Variants in PTPRS observed in about 807,000 individuals in gnomAD.
PTPRS encodes receptor-type tyrosine-protein phosphatase S.
A neutral mutation model predicts 215.3 loss-of-function variants in PTPRS; 63 were observed. The ratio of observed to expected loss-of-function variants is 0.29; its 90% CI spans 0.24 to 0.36. The LOEUF (loss-of-function observed/expected upper bound fraction) is 0.36. Ranked by LOEUF, PTPRS falls within the 10% of genes least tolerant of loss-of-function variation. The pLI is 1.00. For missense variants in PTPRS, 2,258 were observed against 2,825.8 expected (o/e 0.80, Z 4.56); for synonymous variants, 1,404 against 1,191.4 (o/e 1.18, Z -3.68).
At chr19:5,274,745 C>G (rs534864674) in intron 2 of PTPRS, among the ~76,000 whole-genome samples, 7 of 152,330 alleles carry the variant, frequency 4.6e-5, no homozygotes, top group East Asian at 3.9e-4. Context: ...CTGAACCCCC[C>G]CTCCATGGTG....
At chr19:5,299,748 T>C (rs56928080) in intron 1 of PTPRS, among the ~76,000 whole-genome samples, 6,585 of 152,148 alleles carry the variant, frequency 0.043, 499 homozygotes, top group African/African-American at 0.15. Flanking sequence ...GGTGCGCACC[T>C]GTAATCCCAG....
chr19:5,335,187 G>A (rs913664158), intron 1 of PTPRS, among the ~76,000 whole-genome samples: 16 of 152,296 alleles, frequency 1.1e-4, no homozygotes, highest in Non-Finnish European at 1.0e-4. Context: ...TTCTCCGCCC[G>A]CCGGATACCC....
At chr19:5,280,938 CCCA>C (rs942900322) in intron 2 of PTPRS, among the ~76,000 whole-genome samples, 6 of 151,788 alleles carry the variant, frequency 4.0e-5, no homozygotes, top group African/African-American at 1.2e-4. Context: ...ATTACAGGAA[CCCA>C]CCACAACACC....
intron 5 of PTPRS, among the ~76,000 whole-genome samples, chr19:5,264,603 G>A (rs753751286): frequency 1.8e-4 from 28 of 152,098 alleles, no homozygotes; most frequent in East Asian, 3.9e-4. Flanking sequence ...AAGCCACTGC[G>A]CCCAGCCCCC....
chr19:5,256,081 A>C (rs773528027), intron 9 of PTPRS, 27 bp downstream of exon 9: 15 of 1,507,646 alleles, frequency 9.9e-6, no homozygotes, highest in Non-Finnish European at 1.4e-5. Context: ...TGGGTAAAGA[A>C]AGTAAAAAAG....
Position 5,239,061 on chromosome 19 carries a change from C to T in PTPRS, c.1707G>A (p.Val569=). Residue 569 remains valine, a splice_region_variant and synonymous_variant, in exon 13 of 38, where the codon GTG becomes GTA. Coordinates refer to ENST00000262963, the MANE Select transcript of PTPRS (RefSeq NM_002850.4). The part of the protein sequence containing the change: ...LFREGDHGRE[V]GRTFDPTTSY... ...AAGTCGTCGGGTCGAAGGTCCTTCCCACCTGGGGGCAGGGCAGAGAAGGAC... is the reference window on the plus strand; with the variant it reads ...AAGTCGTCGGGTCGAAGGTCCTTCCTACCTGGGGGCAGGGCAGAGAAGGAC... The T allele has an allele frequency of 6.2e-7, 1 of 1,612,050 alleles. No homozygotes were observed. The highest frequency in any genetic ancestry group is 2.2e-5 in the East Asian group (1 of 44,698).
At chr19:5,228,695 G>C (rs1297602138) in intron 16 of PTPRS, among the ~76,000 whole-genome samples, 4 of 152,132 alleles carry the variant, frequency 2.6e-5, no homozygotes, top group African/African-American at 9.7e-5. Context: ...GCAGAGACTG[G>C]TACTCCCGTT....
At chr19:5,297,791 C>CTTTTTTTTT (rs373472522) in intron 1 of PTPRS, among the ~76,000 whole-genome samples, 2 of 131,370 alleles carry the variant, frequency 1.5e-5, no homozygotes, top group Non-Finnish European at 3.3e-5. Context: ...CTTTTCTTTT[C>CTTTTTTTTT]TTTTTTTTTT....
At chr19:5,329,165 A>T (rs1291367688) in intron 1 of PTPRS, among the ~76,000 whole-genome samples, 1 of 152,108 alleles carries the variant, frequency 6.6e-6, no homozygotes, top group South Asian at 2.1e-4. Context: ...CAGAGCAAGG[A>T]CAAAGGCCTG....
In PTPRS at chr19:5,211,782, G is replaced by A. The variant is rs2040913626; in HGVS notation, c.5056-14C>T. On this transcript the variant is annotated splice_polypyrimidine_tract_variant and intron_variant, in intron 32 of 37. Transcript: ENST00000262963. ...GTTAGCCAGCCGCTGTGGGGAGGAG[G>A]AAGCCAGAGGCCACCATCAGGATGA... is the stretch of plus-strand genomic sequence containing the variant. 6.2e-7 allele frequency: 1 copy of A among 1,607,506 alleles called. No individual in the cohort carries two copies. The highest frequency in any genetic ancestry group is 1.3e-5 in the African/African-American group (1 of 74,816).
At chr19:5,288,988 G>C (rs112970040) in intron 1 of PTPRS, among the ~76,000 whole-genome samples, 1 of 152,188 alleles carries the variant, frequency 6.6e-6, no homozygotes, top group Non-Finnish European at 1.5e-5. Context: ...GCCTGTCAGG[G>C]GCAGGGACGA....
Position 5,320,774 on chromosome 19 carries a change from GATTTGAGGGCTTCACC to G in PTPRS, c.-95+19874_-95+19889del, listed in dbSNP as rs1568613334. ...CTGTCCTCATGCTGAGCCCAGCCCT[GATTTGAGGGCTTCACC>G]CTATGAACTCACTAGATCCTCCCAA... On this transcript the variant is annotated intron_variant, in intron 1 of 37. Coordinates refer to ENST00000262963, the MANE Select transcript of PTPRS (RefSeq NM_002850.4). 9.2e-5 allele frequency among the ~76,000 whole-genome samples: 14 copies of G among 152,252 alleles called. No individual in the cohort carries two copies. The South Asian group carries it at 2.9e-3, about 32-fold the overall frequency.
chr19:5,246,072 G>T, intron 9 of PTPRS, 27 bp from the exon 10 acceptor site: 2 of 1,400,898 alleles, frequency 1.4e-6, no homozygotes, highest in South Asian at 3.0e-5. Context: ...AGTGGCGGCG[G>T]GAGGGAGATG....
chr19:5,269,341 C>T (rs2046705993), intron 4 of PTPRS, among the ~76,000 whole-genome samples: 1 of 152,020 alleles, frequency 6.6e-6, no homozygotes, highest in Non-Finnish European at 1.5e-5. Flanking sequence ...AAACGTACAT[C>T]GCGAACCACA....
At chr19:5,309,023 C>A (rs1415125406) in intron 1 of PTPRS, among the ~76,000 whole-genome samples, 2 of 152,152 alleles carry the variant, frequency 1.3e-5, no homozygotes, top group Admixed American at 6.6e-5. Flanking sequence ...GGCCCTACAG[C>A]CTGCCTGGCA....
chr19:5,288,608 A>T (rs1327177555), intron 1 of PTPRS, among the ~76,000 whole-genome samples: 1 of 152,186 alleles, frequency 6.6e-6, no homozygotes, highest in African/African-American at 2.4e-5. Context: ...CTGCTTGGCC[A>T]CACTGAGGGG....
At chr19:5,267,040 C>T (rs568520679) in intron 4 of PTPRS, among the ~76,000 whole-genome samples, 6 of 152,284 alleles carry the variant, frequency 3.9e-5, no homozygotes, top group Middle Eastern at 3.4e-3. Context: ...AGCGCAGAAC[C>T]GGGCATACAG....
At chr19:5,292,099 C>T (rs1338155737) in intron 1 of PTPRS, among the ~76,000 whole-genome samples, 3 of 152,178 alleles carry the variant, frequency 2.0e-5, no homozygotes, top group Admixed American at 2.0e-4. Context: ...TTCTGAGCTA[C>T]CCCATCACAG....
rs1212842588 is a variant in PTPRS, at chr19:5,210,689, T to C, written c.5351A>G (p.Glu1784Gly). ...TIVVMLTKLR[E>G]MGREKCHQYW... ...TGGCCCCTAGCTCACCCGGCCCATC[T>C]CCCGCAGCTTGGTCAGCATCACCAC... is the stretch of plus-strand genomic sequence containing the variant. The change falls in exon 34 of 38, where the codon GAG becomes GGG. Residue 1784 changes from glutamate to glycine, a missense_variant. Transcript: ENST00000262963. The surrounding 1 kb of genome is among the most constrained non-coding windows in gnomAD (Gnocchi z 4.5). 6.2e-7 allele frequency: 1 copy of C among 1,614,012 alleles called. No individual in the cohort carries two copies. Among genetic ancestry groups the C allele is most frequent in the African/African-American group, 1.3e-5 (1 of 74,922 alleles).
Sources: gnomAD v4.1 joint callset for allele counts (sites outside exome capture counted in the v4.1 genomes callset) on GRCh38, gnomAD v4.1.1 for gene constraint, Gnocchi (gnomAD v3.1) non-coding constraint, MANE v1.5 for transcripts, NCBI Gene and HGNC (gene_info 2026-07-23, HGNC 2026-07-21) for gene names.